Variants in PRKD1 observed in about 807,000 individuals in gnomAD.
PRKD1 encodes the protein serine/threonine-protein kinase D1.
Under a neutral mutation model 95.9 loss-of-function variants are expected in PRKD1, and 63 were observed. The observed-to-expected ratio is 0.66, with a 90% CI of 0.54 to 0.81. The LOEUF (loss-of-function observed/expected upper bound fraction) is 0.81. Among genes scored for constraint, PRKD1 ranks in the 30% least tolerant of loss-of-function variants. The pLI, the probability that PRKD1 is intolerant of heterozygous loss-of-function variation, is 0.00. For synonymous variants in PRKD1, 425 were observed against 423.1 expected (o/e 1.00, Z -0.05); for missense variants, 1,048 against 1,165.3 (o/e 0.90, Z 1.47).
chr14:29,885,642 C>T (rs1018568916), intron 1 of PRKD1, among the ~76,000 whole-genome samples: 13 of 151,862 alleles, frequency 8.6e-5, no homozygotes, highest in African/African-American at 3.1e-4. Context: ...GGGAATTTCC[C>T]ATTCTCTAAG....
At chr14:29,725,728 T>C in intron 1 of PRKD1, 54 bp from the exon 2 acceptor site, 1 of 1,569,834 alleles carries the variant, frequency 6.4e-7, no homozygotes, top group Non-Finnish European at 8.7e-7. Context: ...CCAAATATTT[T>C]GTTTTAAATA....
At chr14:29,580,689 C>T (rs1418781698) in intron 16 of PRKD1, among the ~76,000 whole-genome samples, 5 of 152,218 alleles carry the variant, frequency 3.3e-5, no homozygotes, top group Non-Finnish European at 7.4e-5. Context: ...ATTAACTATA[C>T]CATCCAAAAT....
chr14:29,793,245 A>G (rs1889630459), intron 1 of PRKD1, among the ~76,000 whole-genome samples: 1 of 152,062 alleles, frequency 6.6e-6, no homozygotes. Context: ...ATCCATTTCT[A>G]TATCTCATAT....
chr14:29,829,652 C>T (rs1350831578), intron 1 of PRKD1, among the ~76,000 whole-genome samples: 1 of 152,196 alleles, frequency 6.6e-6, no homozygotes, highest in Admixed American at 6.5e-5. Flanking sequence ...ACCATCATAA[C>T]ATAGTATTTC....
At chr14:29,577,976 G>A (rs1892616696) in intron 17 of PRKD1, among the ~76,000 whole-genome samples, 1 of 152,026 alleles carries the variant, frequency 6.6e-6, no homozygotes, top group African/African-American at 2.4e-5. Flanking sequence ...CTGGTCCTCT[G>A]AGGTCTGTTA....
At chr14:29,815,941 C>T (rs186860096) in intron 1 of PRKD1, among the ~76,000 whole-genome samples, 12 of 152,174 alleles carry the variant, frequency 7.9e-5, no homozygotes, top group Non-Finnish European at 1.6e-4. Flanking sequence ...CATATCAGGC[C>T]GGGCGCGGTG....
intron 1 of PRKD1, among the ~76,000 whole-genome samples, chr14:29,863,928 C>A (rs2139364282): frequency 6.6e-6 from 1 of 152,120 alleles, no homozygotes; most frequent in East Asian, 1.9e-4. Context: ...TTAGCTACTT[C>A]TGGGAAACAA....
At chr14:29,828,227 T>A (rs1174141424) in intron 1 of PRKD1, among the ~76,000 whole-genome samples, 2 of 152,170 alleles carry the variant, frequency 1.3e-5, no homozygotes, top group East Asian at 1.9e-4. Flanking sequence ...GGAAGTCTGA[T>A]GCCAGTATCT....
chr14:29,808,257 G>A (rs546313945), intron 1 of PRKD1, among the ~76,000 whole-genome samples: 2 of 150,954 alleles, frequency 1.3e-5, no homozygotes, highest in South Asian at 2.1e-4. Flanking sequence ...ACCAGGAGTA[G>A]ATTCTAGATT....
intron 1 of PRKD1, among the ~76,000 whole-genome samples, chr14:29,861,254 C>A (rs1892699783): frequency 6.6e-6 from 1 of 152,144 alleles, no homozygotes; most frequent in Non-Finnish European, 1.5e-5. Flanking sequence ...GGTGCCACTT[C>A]TCACAAACTG....
chr14:29,914,825 T>G (rs926257359), intron 1 of PRKD1, among the ~76,000 whole-genome samples: 13 of 151,224 alleles, frequency 8.6e-5, no homozygotes, highest in Admixed American at 6.6e-5. Context: ...CAGGCTGGAG[T>G]GCAGTGGCGT....
At chr14:29,771,200 AAG>A (rs1339538348) in intron 1 of PRKD1, among the ~76,000 whole-genome samples, 1 of 152,122 alleles carries the variant, frequency 6.6e-6, no homozygotes, top group African/African-American at 2.4e-5. Flanking sequence ...CCCTTTGATA[AAG>A]AGACTGTTAT....
intron 1 of PRKD1, among the ~76,000 whole-genome samples, chr14:29,818,582 T>A (rs1272023911): frequency 6.6e-6 from 1 of 151,374 alleles, no homozygotes; most frequent in Non-Finnish European, 1.5e-5. Flanking sequence ...TTCTTGGCAT[T>A]TAACATTTCA....
At chr14:29,842,214 G>A (rs1690404015) in intron 1 of PRKD1, among the ~76,000 whole-genome samples, 1 of 152,198 alleles carries the variant, frequency 6.6e-6, no homozygotes, top group Non-Finnish European at 1.5e-5. Context: ...ATCAGTGGAA[G>A]TACACTCTAA....
At chr14:29,908,713 T>C (rs1894582162) in intron 1 of PRKD1, among the ~76,000 whole-genome samples, 1 of 152,238 alleles carries the variant, frequency 6.6e-6, no homozygotes, top group Admixed American at 6.5e-5. Context: ...AATAAATCTA[T>C]ATACCAATTC....
intron 1 of PRKD1, among the ~76,000 whole-genome samples, chr14:29,852,002 T>A (rs943462573): frequency 3.9e-5 from 6 of 152,168 alleles, no homozygotes; most frequent in African/African-American, 1.4e-4. Context: ...ATACTTCATG[T>A]TCTCACTTAC....
intron 1 of PRKD1, among the ~76,000 whole-genome samples, chr14:29,854,886 G>C (rs1028569544): frequency 6.6e-6 from 1 of 152,240 alleles, no homozygotes; most frequent in Non-Finnish European, 1.5e-5. Context: ...CGTGGCTTCA[G>C]AGGGTTGAAG....
intron 4 of PRKD1, among the ~76,000 whole-genome samples, chr14:29,643,978 A>C (rs1363410071): frequency 6.6e-6 from 1 of 152,214 alleles, no homozygotes; most frequent in African/African-American, 2.4e-5. Context: ...ATACACGCCA[A>C]CATCTCTTTA....
chr14:29,909,157 G>T (rs935347696), intron 1 of PRKD1, among the ~76,000 whole-genome samples: 1 of 152,162 alleles, frequency 6.6e-6, no homozygotes, highest in Non-Finnish European at 1.5e-5. Flanking sequence ...GCTGTGGAGG[G>T]TGCGCCAGGT....
Sources: allele counts gnomAD v4.1 joint callset (sites outside exome capture counted in the v4.1 genomes callset), GRCh38; gene constraint gnomAD v4.1.1; transcripts MANE v1.5; gene names NCBI Gene and HGNC (gene_info 2026-07-23, HGNC 2026-07-21).